SCARB2: variants seen among roughly 807,000 people sequenced by gnomAD.
SCARB2 encodes the protein scavenger receptor class B member 2, also known as lysosome membrane protein 2.
A neutral mutation model predicts 58.6 loss-of-function variants in SCARB2; 29 were observed. The observed-to-expected ratio is 0.49, with a 90% CI of 0.37 to 0.67. The LOEUF is 0.67. SCARB2 is among the 30% of genes least tolerant of loss of function. The pLI is 0.00. For synonymous variants in SCARB2, 195 were observed against 210.1 expected (o/e 0.93, Z 0.62); for missense variants, 488 against 578.5 (o/e 0.84, Z 1.60).
intron 2 of SCARB2, among the ~76,000 whole-genome samples, chr4:76,191,426 G>C (rs2109957460): frequency 6.6e-6 from 1 of 152,234 alleles, no homozygotes; most frequent in Admixed American, 6.5e-5. Flanking sequence ...TGGGTCATGG[G>C]AAGGATTCCT....
At chr4:76,188,662 G>A (rs780725037) in intron 2 of SCARB2, among the ~76,000 whole-genome samples, 1 of 152,198 alleles carries the variant, frequency 6.6e-6, no homozygotes, top group Non-Finnish European at 1.5e-5. Flanking sequence ...AAACACTGGA[G>A]CAGAAGCTTC....
intron 1 of SCARB2, among the ~76,000 whole-genome samples, chr4:76,205,777 C>T (rs1732918315): frequency 6.6e-6 from 1 of 152,144 alleles, no homozygotes; most frequent in African/African-American, 2.4e-5. Flanking sequence ...AGAAACATGC[C>T]CTCCCCCATT....
chr4:76,233,738 G>T (rs935006823), intron 1 of SCARB2, among the ~76,000 whole-genome samples: 2 of 152,102 alleles, frequency 1.3e-5, no homozygotes, highest in Non-Finnish European at 2.9e-5. Context: ...CATCCCCTAA[G>T]GCAGGATTGC....
At chr4:76,168,861 G>A (rs1447368828) in intron 8 of SCARB2, among the ~76,000 whole-genome samples, 2 of 152,272 alleles carry the variant, frequency 1.3e-5, no homozygotes, top group African/African-American at 4.8e-5. Context: ...TTTCCAGGCA[G>A]TTGTCCAGAG....
Position 76,176,503 on chromosome 4 carries a change from T to C in SCARB2, c.638A>G (p.Tyr213Cys). 7 of 1,611,480 alleles carry C rather than the reference T, an allele frequency of 4.3e-6. No homozygotes were observed. The highest frequency in any genetic ancestry group is 1.3e-5 in the African/African-American group (1 of 75,010). Residue 213 changes from tyrosine (Y) to cysteine (C), a missense_variant, in exon 5 of 12, where the codon TAT becomes TGT. By Grantham distance (194) the Tyr-to-Cys change is radical. Transcript: ENST00000264896. ...YEKNGTNDGD[Y>C]VFLTGEDSYL... Reference sequence around the variant, plus strand: ...ACTGTCTTCTCCAGTTAGAAAAACATAGTCTCCATCATTAGTCCCATTTTT... The same window carrying C: ...ACTGTCTTCTCCAGTTAGAAAAACACAGTCTCCATCATTAGTCCCATTTTT...
chr4:76,168,655 T>A (rs140537341), intron 8 of SCARB2, among the ~76,000 whole-genome samples, 179 bp from the exon 9 acceptor site: 7 of 152,290 alleles, frequency 4.6e-5, no homozygotes, highest in African/African-American at 1.7e-4. Context: ...ATGGGTTGTA[T>A]TAGGTGGCTG....
rs754800633 is a variant in SCARB2, at chr4:76,163,333, G to A, written c.1290C>T (p.Asn430=). ...GTATGTTGGTGATGATCAAAGTAGT[G>A]TTAATCATAGACTTCAGTCGACTCG... ...ETASRLKSMI[N]TTLIITNIPY... The change falls in exon 11 of 12, where the codon AAC becomes AAT. Residue 430 remains asparagine, a synonymous_variant. Transcript: ENST00000264896. 5 of 1,614,194 alleles carry A rather than the reference G, an allele frequency of 3.1e-6. No individual in the cohort carries two copies. Among genetic ancestry groups the A allele is most frequent in the Non-Finnish European group, 4.2e-6 (5 of 1,180,016 alleles).
At position 76,175,899 on chromosome 4, in the gene SCARB2, C is replaced by A. The variant is rs755176349; in HGVS notation, c.716G>T (p.Trp239Leu). ...CATATTGCACTTGTCTGTTATCCACCAGTCAAGTGACCTATAATTGATAAG... is the reference window on the plus strand; with the variant it reads ...CATATTGCACTTGTCTGTTATCCACAAGTCAAGTGACCTATAATTGATAAG... ...VEWNGKTSLD[W>L]WITDKCNMIN... Residue 239 changes from tryptophan to leucine, a missense_variant, in exon 6 of 12, where the codon TGG (tryptophan) becomes TTG (leucine). Transcript: ENST00000264896. The A allele has an allele frequency of 6.2e-7, 1 of 1,613,620 alleles. No homozygotes were observed. Among genetic ancestry groups the A allele is most frequent in the East Asian group, 2.2e-5 (1 of 44,868 alleles).
chr4:76,162,178 A>ATTTTTT, intron 11 of SCARB2: 1 of 197,728 alleles, frequency 5.1e-6, no homozygotes, highest in Non-Finnish European at 1.1e-5. Context: ...GCTTAAGACA[A>ATTTTTT]TTTCAATGAC....
At chr4:76,232,473 G>A (rs943936835) in intron 1 of SCARB2, among the ~76,000 whole-genome samples, 1 of 152,114 alleles carries the variant, frequency 6.6e-6, no homozygotes, top group East Asian at 1.9e-4. Flanking sequence ...AATGTCCAGG[G>A]TAGTTACACT....
At chr4:76,165,396 T>A (rs534661028) in intron 10 of SCARB2, 2 of 152,266 alleles carry the variant, frequency 1.3e-5, no homozygotes, top group African/African-American at 4.8e-5. Context: ...GACCAGAAAA[T>A]ATCAGGAGTT....
rs1732241844 is a variant in SCARB2 at position 76,175,880 on chromosome 4, G to A, written c.735C>T (p.Cys245=). ...CTCCATCTGTTCCATTAATCATATT[G>A]CACTTGTCTGTTATCCACCAGTCAA... The part of the protein sequence containing the change: ...TSLDWWITDK[C]NMINGTDGDS... The change falls in exon 6 of 12, where the codon TGC becomes TGT. Residue 245 remains cysteine, a synonymous_variant. Coordinates refer to ENST00000264896, the MANE Select transcript of SCARB2 (RefSeq NM_005506.4). The A allele has an allele frequency of 6.2e-7, 1 of 1,613,852 alleles. No homozygotes were observed. Among genetic ancestry groups the A allele is most frequent in the Non-Finnish European group, 8.5e-7 (1 of 1,179,930 alleles).
chr4:76,232,318 G>A (rs1339619760), intron 1 of SCARB2, among the ~76,000 whole-genome samples: 1 of 152,170 alleles, frequency 6.6e-6, no homozygotes, highest in Non-Finnish European at 1.5e-5. Flanking sequence ...CATGAGTCCT[G>A]TACATTTTCC....
chr4:76,214,761 T>A (rs559240326), upstream of SCARB2, among the ~76,000 whole-genome samples: 2 of 152,340 alleles, frequency 1.3e-5, no homozygotes, highest in South Asian at 4.1e-4. Context: ...GTTCTACTCA[T>A]TTAATACCCT....
At chr4:76,170,410 A>C (rs1732102994) in intron 7 of SCARB2, among the ~76,000 whole-genome samples, 1 of 152,232 alleles carries the variant, frequency 6.6e-6, no homozygotes, top group Non-Finnish European at 1.5e-5. Context: ...CAGGCTATGA[A>C]GGCAGAATAC....
intron 7 of SCARB2, 114 bp from the exon 8 acceptor site, chr4:76,170,099 T>C (rs531938832): frequency 3.7e-5 from 33 of 884,954 alleles, no homozygotes; most frequent in Non-Finnish European, 5.5e-5. Context: ...AAAAGCTACA[T>C]ATAAATTAAC....
At chr4:76,171,368 C>G (rs1732126072) in intron 7 of SCARB2, among the ~76,000 whole-genome samples, 1 of 152,122 alleles carries the variant, frequency 6.6e-6, no homozygotes, top group Non-Finnish European at 1.5e-5. Context: ...AATGAGAAAA[C>G]TGATGTCTGG....
At chr4:76,164,881 T>C (rs1198650573) in intron 10 of SCARB2, 3 of 151,988 alleles carry the variant, frequency 2.0e-5, no homozygotes. Flanking sequence ...AATAACTGGA[T>C]AGAGTTTCCT....
intron 2 of SCARB2, among the ~76,000 whole-genome samples, chr4:76,190,729 A>G (rs984953188): frequency 6.6e-6 from 1 of 152,182 alleles, no homozygotes; most frequent in African/African-American, 2.4e-5. Context: ...GGTTGCAGTG[A>G]GCCAAGATCG....
Sources: allele counts gnomAD v4.1 joint callset (sites outside exome capture counted in the v4.1 genomes callset), GRCh38; gene constraint gnomAD v4.1.1; transcripts MANE v1.5; gene names NCBI Gene and HGNC (gene_info 2026-07-23, HGNC 2026-07-21).